Variants in GOLPH3 observed in about 807,000 individuals in gnomAD.
GOLPH3 encodes the protein golgi phosphoprotein 3.
A neutral mutation model predicts 28.5 loss-of-function variants in GOLPH3; 14 were observed. The observed-to-expected ratio is 0.49, with a 90% CI of 0.32 to 0.77. GOLPH3 has a LOEUF of 0.77. GOLPH3 is among the 30% of genes least tolerant of loss of function. The pLI is 0.03. For missense variants in GOLPH3, 350 were observed against 393.7 expected (o/e 0.89, Z 0.94); for synonymous variants, 158 against 159.2 (o/e 0.99, Z 0.06).
chr5:32,134,337 C>A (rs1052718728), intron 3 of GOLPH3, among the ~76,000 whole-genome samples: 24 of 152,028 alleles, frequency 1.6e-4, no homozygotes, highest in Admixed American at 2.6e-4. Context: ...TTCCAAGTAG[C>A]TGGGACCACA....
At chr5:32,160,254 T>C (rs1408705779) in intron 1 of GOLPH3, among the ~76,000 whole-genome samples, 1 of 152,150 alleles carries the variant, frequency 6.6e-6, no homozygotes, top group Non-Finnish European at 1.5e-5. Flanking sequence ...ATTTTTATTA[T>C]TAAAATAGAG....
chr5:32,157,144 T>C (rs1015276382), intron 1 of GOLPH3, among the ~76,000 whole-genome samples: 2 of 152,200 alleles, frequency 1.3e-5, no homozygotes, highest in Non-Finnish European at 2.9e-5. Context: ...ACCAGGGATC[T>C]TATCTGCCAC....
intron 3 of GOLPH3, among the ~76,000 whole-genome samples, chr5:32,127,870 C>T (rs182066036): frequency 1.3e-5 from 2 of 152,128 alleles, no homozygotes; most frequent in Non-Finnish European, 2.9e-5. Context: ...CAGCCCAGAA[C>T]TGTGACACTT....
intron 2 of GOLPH3, among the ~76,000 whole-genome samples, chr5:32,136,345 G>A (rs921599765): frequency 6.6e-6 from 1 of 151,884 alleles, no homozygotes; most frequent in African/African-American, 2.4e-5. Flanking sequence ...GCTGGGCGTG[G>A]TGGCAGGTGC....
chr5:32,142,351 G>A (rs1279907784), intron 2 of GOLPH3, among the ~76,000 whole-genome samples: 2 of 149,878 alleles, frequency 1.3e-5, no homozygotes, highest in African/African-American at 5.0e-5. Flanking sequence ...TGAGAAGTGA[G>A]GAGCCCCTCC....
chr5:32,152,717 G>C (rs138967126), intron 1 of GOLPH3, among the ~76,000 whole-genome samples: 5 of 151,492 alleles, frequency 3.3e-5, no homozygotes, highest in Non-Finnish European at 7.4e-5. Context: ...AGGAAGCCAA[G>C]GTTGCAGTGA....
chr5:32,148,814 C>T (rs1001221222), intron 1 of GOLPH3, among the ~76,000 whole-genome samples: 1 of 151,648 alleles, frequency 6.6e-6, no homozygotes, highest in African/African-American at 2.4e-5. Flanking sequence ...ATAAAAAATA[C>T]AAAATACAAA....
At chr5:32,155,046 C>T (rs1186095129) in intron 1 of GOLPH3, among the ~76,000 whole-genome samples, 2 of 149,216 alleles carry the variant, frequency 1.3e-5, no homozygotes, top group East Asian at 3.9e-4. Flanking sequence ...TTACAGTGAC[C>T]CAAGATCGCA....
At position 32,135,600 on chromosome 5, in the gene GOLPH3, C is replaced by T. The variant is rs376311139; in HGVS notation, c.444G>A (p.Thr148=). Residue 148 remains threonine (T), a synonymous_variant, in exon 3 of 4, where the codon ACG becomes ACA. Transcript: ENST00000265070. ...TAAGTAATTCAATCCAGTTCTGGAC[C>T]GTTTCTGGAGGCTGAGTTTCCTTAA... The part of the protein sequence containing the change: ...KHVKETQPPE[T]VQNWIELLSG... 13 of 1,612,742 alleles carry T rather than the reference C, an allele frequency of 8.1e-6. 1 individual carries two copies. In the East Asian group the frequency reaches 1.6e-4, roughly 19 times the overall value.
chr5:32,144,032 TA>T (rs1746140292), intron 1 of GOLPH3, 152 bp from the exon 2 acceptor site: 1 of 500,280 alleles, frequency 2.0e-6, no homozygotes, highest in South Asian at 3.5e-5. Context: ...ACAATTAACA[TA>T]AATTACTAAT....
chr5:32,158,127 T>C (rs1382046651), intron 1 of GOLPH3, among the ~76,000 whole-genome samples: 2 of 31,706 alleles, frequency 6.3e-5, no homozygotes, highest in African/African-American at 1.2e-4. Flanking sequence ...AATAAATAAA[T>C]AAAATACACA....
intron 1 of GOLPH3, among the ~76,000 whole-genome samples, chr5:32,154,135 T>C (rs1444945183): frequency 1.3e-5 from 2 of 152,140 alleles, no homozygotes; most frequent in Non-Finnish European, 2.9e-5. Context: ...ACAATGAATA[T>C]ATATAAAACC....
In GOLPH3 at chr5:32,173,938, CGCCGCCGCCCGCCGCCCGCTCCTT is replaced by C; in HGVS notation, c.73_96del (p.Lys25_Gly32del). 2 of 1,470,908 alleles carry C rather than the reference CGCCGCCGCCCGCCGCCCGCTCCTT, an allele frequency of 1.4e-6. No homozygotes were observed. The highest frequency in any genetic ancestry group is 1.8e-6 in the Non-Finnish European group (2 of 1,116,910). 91.1% of individuals were successfully genotyped at this position (1,470,908 alleles called of 1,614,324 possible). A position where few individuals can be genotyped will look rare whatever the true frequency, so the allele number is the denominator to read the frequency against. On this transcript the variant is annotated inframe_deletion, in exon 1 of 4. Transcript: ENST00000265070. ...TGCGCGTCGTCCTCGCTGCTGCCGGCGCCGCCGCCCGCCGCCCGCTCCTTGTCGGCGGCGTTGCGGGAGGCCTCG... is the reference window on the plus strand; with the variant it reads ...TGCGCGTCGTCCTCGCTGCTGCCGGCGTCGGCGGCGTTGCGGGAGGCCTCG...
At chr5:32,138,310 C>T (rs1745981187) in intron 2 of GOLPH3, among the ~76,000 whole-genome samples, 1 of 152,158 alleles carries the variant, frequency 6.6e-6, no homozygotes, top group South Asian at 2.1e-4. Context: ...CATACAGTAT[C>T]TATCTCTGTG....
chr5:32,167,998 T>C (rs1746753197), intron 1 of GOLPH3, among the ~76,000 whole-genome samples: 2 of 152,132 alleles, frequency 1.3e-5, no homozygotes, highest in African/African-American at 4.8e-5. Context: ...ACTTCAAAAG[T>C]AATTTCTGAG....
intron 1 of GOLPH3, among the ~76,000 whole-genome samples, chr5:32,165,786 T>C (rs146905878): frequency 7.2e-5 from 11 of 152,262 alleles, no homozygotes; most frequent in Non-Finnish European, 1.6e-4. Flanking sequence ...GAATCCTAGA[T>C]GTGTGGTAAT....
In GOLPH3 at chr5:32,124,911, T is replaced by G. The variant is rs531852733; in HGVS notation, c.*1301A>C. On this transcript the variant is annotated 3_prime_UTR_variant, in exon 4 of 4. Coordinates refer to ENST00000265070, the MANE Select transcript of GOLPH3 (RefSeq NM_022130.4). ...AACATGGACTATGGTAATAAAAAATTTTGACATTTAATTTGTTCAACATAT... is the reference window on the plus strand; with the variant it reads ...AACATGGACTATGGTAATAAAAAATGTTGACATTTAATTTGTTCAACATAT... The G allele has an allele frequency of 2.0e-5, 3 of 152,714 alleles. No homozygotes were observed. The highest frequency in any genetic ancestry group is 3.9e-4 in the East Asian group (2 of 5,188). 9.5% of individuals were successfully genotyped at this position (152,714 alleles called of 1,614,324 possible).
chr5:32,167,779 C>G lies in GOLPH3; in HGVS notation c.225+6031G>C, dbSNP rs146760388. On this transcript the variant is annotated intron_variant, in intron 1 of 3. Coordinates refer to ENST00000265070, the MANE Select transcript of GOLPH3 (RefSeq NM_022130.4). ...TAGGCAACATAGTGAGACCACGTCT[C>G]TACAAAAAAAAATTTTTTTTTTTAA... Among the ~76,000 whole-genome samples, 1,034 of 151,400 alleles carry G rather than the reference C, an allele frequency of 6.8e-3. 18 individuals are homozygous for G. The highest frequency in any genetic ancestry group is 0.024 in the African/African-American group (992 of 41,288).
chr5:32,156,671 T>TA (rs1285700659), intron 1 of GOLPH3, among the ~76,000 whole-genome samples: 1 of 152,146 alleles, frequency 6.6e-6, no homozygotes, highest in Non-Finnish European at 1.5e-5. Context: ...TATCGGGCAT[T>TA]AGTTAAAATT....
Sources: allele counts gnomAD v4.1 joint callset (sites outside exome capture counted in the v4.1 genomes callset), GRCh38; gene constraint gnomAD v4.1.1; transcripts MANE v1.5; gene names NCBI Gene and HGNC (gene_info 2026-07-23, HGNC 2026-07-21).